Variants in LARGE1 observed in about 807,000 individuals in gnomAD.
LARGE1 encodes LARGE xylosyl- and glucuronyltransferase 1, also known as xylosyl- and glucuronyltransferase LARGE1.
A neutral mutation model predicts 87.6 loss-of-function variants in LARGE1; 43 were observed. That is an observed-to-expected ratio of 0.49 (90% CI 0.38 to 0.63). LARGE1 has a LOEUF of 0.63. Among genes scored for constraint, LARGE1 ranks in the 30% least tolerant of loss-of-function variants. The pLI is 0.00. For synonymous variants in LARGE1, 434 were observed against 394.6 expected (o/e 1.10, Z -1.18); for missense variants, 802 against 1,000.2 (o/e 0.80, Z 2.67).
chr22:33,371,781 G>A lies in LARGE1; in HGVS notation c.1131+10138C>T, dbSNP rs530812484. Reference sequence around the variant, plus strand: ...GGGTGGATCATGAGGTCAGGAGATCGAGACCATCCTGGCTAACACGGTGAA... The same window carrying A: ...GGGTGGATCATGAGGTCAGGAGATCAAGACCATCCTGGCTAACACGGTGAA... On this transcript the variant is annotated intron_variant, in intron 9 of 14. Transcript: ENST00000397394. Among the ~76,000 whole-genome samples, 9 of 152,126 alleles carry A rather than the reference G, an allele frequency of 5.9e-5. No homozygotes were observed. The East Asian group carries it at 7.7e-4, about 13-fold the overall frequency.
At chr22:33,560,812 TTTAAC>T (rs2077832511) in intron 6 of LARGE1, among the ~76,000 whole-genome samples, 1 of 126,094 alleles carries the variant, frequency 7.9e-6, no homozygotes, top group African/African-American at 2.8e-5. Context: ...GCCCAGTTTA[TTTAAC>T]TTTTTTTTTT....
intron 2 of LARGE1, among the ~76,000 whole-genome samples, chr22:33,745,426 T>C (rs1269060077): frequency 6.6e-6 from 1 of 152,186 alleles, no homozygotes; most frequent in African/African-American, 2.4e-5. Flanking sequence ...TGCTCGTCTC[T>C]GTCAGACCTG....
At chr22:33,081,750 T>A in the LARGE1 span, among the ~76,000 whole-genome samples, 1 of 152,162 alleles carries the variant, frequency 6.6e-6, no homozygotes, top group Admixed American at 6.5e-5. Flanking sequence ...TGGGAACATC[T>A]GACAAATATA....
intron 6 of LARGE1, among the ~76,000 whole-genome samples, chr22:33,477,173 G>A (rs2069116599): frequency 6.6e-6 from 1 of 152,230 alleles, no homozygotes; most frequent in East Asian, 1.9e-4. Flanking sequence ...GGGCGTGAGA[G>A]ACCCTGACAC....
At chr22:33,720,500 T>C (rs1311648474) in intron 2 of LARGE1, among the ~76,000 whole-genome samples, 1 of 152,200 alleles carries the variant, frequency 6.6e-6, no homozygotes, top group African/African-American at 2.4e-5. Context: ...GATATTTATA[T>C]AACAACAAAA....
chr22:33,424,313 C>G (rs2066798266), intron 7 of LARGE1, among the ~76,000 whole-genome samples: 1 of 152,052 alleles, frequency 6.6e-6, no homozygotes, highest in Non-Finnish European at 1.5e-5. Context: ...GTGTCACTTC[C>G]AAAGAGAAAA....
intron 1 of LARGE1, among the ~76,000 whole-genome samples, chr22:33,903,015 C>T (rs1347451588): frequency 1.3e-5 from 2 of 152,186 alleles, no homozygotes; most frequent in Middle Eastern, 3.4e-3. Context: ...GCCTGTAATC[C>T]CAGCTACTCG....
At chr22:33,539,732 A>ATGCATGTG (rs61655316) in intron 6 of LARGE1, among the ~76,000 whole-genome samples, 1 of 151,538 alleles carries the variant, frequency 6.6e-6, no homozygotes, top group South Asian at 2.1e-4. Context: ...CTGGGACCAC[A>ATGCATGTG]CCCACCTGGC....
intron 2 of LARGE1, among the ~76,000 whole-genome samples, chr22:33,704,063 C>T (rs547869386): frequency 1.2e-4 from 19 of 152,266 alleles, no homozygotes; most frequent in African/African-American, 2.2e-4. Flanking sequence ...GATACTAAAG[C>T]GCTGAATTGT....
intron 5 of LARGE1, among the ~76,000 whole-genome samples, chr22:33,588,658 T>C (rs370732477): frequency 1.2e-4 from 18 of 152,328 alleles, no homozygotes; most frequent in East Asian, 3.9e-4. Flanking sequence ...TTGAGGGGAA[T>C]GGCTCTTGAC....
chr22:33,120,666 G>T, the LARGE1 span, among the ~76,000 whole-genome samples: 5 of 151,934 alleles, frequency 3.3e-5, no homozygotes, highest in Middle Eastern at 3.4e-3. Flanking sequence ...ACAGGCTCCT[G>T]CCACCACGTG....
chr22:33,303,333 CCTTTCCTAGATGAGTAACCCCGGG>C (rs1934413828), intron 12 of LARGE1, among the ~76,000 whole-genome samples: 1 of 152,150 alleles, frequency 6.6e-6, no homozygotes, highest in Non-Finnish European at 1.5e-5. Flanking sequence ...CCCCAGTTTC[CCTTTCCTAGATGAGTAACCCCGGG>C]CCAACGGCTC....
chr22:33,460,290 G>C (rs2068320165), intron 6 of LARGE1, among the ~76,000 whole-genome samples: 1 of 152,028 alleles, frequency 6.6e-6, no homozygotes, highest in Non-Finnish European at 1.5e-5. Flanking sequence ...GCATCCTCTG[G>C]GGAGGTTTTA....
intron 2 of LARGE1, among the ~76,000 whole-genome samples, chr22:33,713,397 C>G (rs181055689): frequency 5.9e-5 from 9 of 152,274 alleles, no homozygotes; most frequent in Admixed American, 4.6e-4. Flanking sequence ...TCCACTAGTA[C>G]ATAAATGCAG....
At chr22:33,532,218 G>A (rs987909249) in intron 6 of LARGE1, among the ~76,000 whole-genome samples, 1 of 152,158 alleles carries the variant, frequency 6.6e-6, no homozygotes, top group African/African-American at 2.4e-5. Flanking sequence ...AAGAAATCTT[G>A]GGCTTCAGAA....
chr22:33,576,112 A>G (rs1014152791), intron 5 of LARGE1, among the ~76,000 whole-genome samples: 1 of 152,344 alleles, frequency 6.6e-6, no homozygotes, highest in South Asian at 2.1e-4. Flanking sequence ...CCTGATCTTA[A>G]TAATTTTAGA....
chr22:33,526,880 C>T, intron 6 of LARGE1, among the ~76,000 whole-genome samples: 1 of 152,196 alleles, frequency 6.6e-6, no homozygotes, highest in East Asian at 1.9e-4. Context: ...CAGACATGCT[C>T]CCCTGCAGCT....
chr22:33,266,613 A>G (rs1470486846), intron 11 of LARGE1, among the ~76,000 whole-genome samples: 2 of 151,706 alleles, frequency 1.3e-5, no homozygotes, highest in East Asian at 1.9e-4. Context: ...TGCTGATTAA[A>G]TAAGAAAATG....
In LARGE1 at chr22:33,641,175, G is replaced by A. The variant is rs575821242; in HGVS notation, c.408+9192C>T. 5.9e-5 allele frequency among the ~76,000 whole-genome samples: 9 copies of A among 152,276 alleles called. No homozygotes were observed. The East Asian group carries it at 1.7e-3, about 29-fold the overall frequency. ...GCTGGCAACGGGCGGGTGCCCCTCT[G>A]GGACAAAGCTTCCAGAGGAAGGAGC... On this transcript the variant is annotated intron_variant, in intron 3 of 14. Transcript: ENST00000397394.
Sources: gnomAD v4.1 joint callset for allele counts (sites outside exome capture counted in the v4.1 genomes callset) on GRCh38, gnomAD v4.1.1 for gene constraint, MANE v1.5 for transcripts, NCBI Gene and HGNC (gene_info 2026-07-23, HGNC 2026-07-21) for gene names.